The following SYCP2L variants were observed in gnomAD, a reference collection of about 807,000 sequenced individuals.
SYCP2L encodes the protein synaptonemal complex protein 2 like.
A neutral mutation model predicts 125.8 loss-of-function variants in SYCP2L; 98 were observed. The observed-to-expected ratio is 0.78, with a 90% CI of 0.66 to 0.92. The LOEUF is 0.92. Ranked by LOEUF, SYCP2L falls within the 40% of genes least tolerant of loss-of-function variation. The pLI is 0.00. For missense variants in SYCP2L, 842 were observed against 936.4 expected (o/e 0.90, Z 1.32); for synonymous variants, 317 against 325.4 (o/e 0.97, Z 0.28).
intron 4 of SYCP2L, among the ~76,000 whole-genome samples, chr6:10,895,633 G>A (rs527808053): frequency 6.6e-6 from 1 of 151,684 alleles, no homozygotes; most frequent in African/African-American, 2.4e-5. Context: ...GAACAAAAGG[G>A]GGGGGTACTA....
intron 4 of SYCP2L, among the ~76,000 whole-genome samples, chr6:10,895,630 A>AGG (rs35545017): frequency 1.6e-3 from 235 of 150,860 alleles, no homozygotes; most frequent in South Asian, 3.8e-3. Context: ...GGAGAACAAA[A>AGG]GGGGGGGGTA....
chr6:10,945,356 T>A (rs1002608480), intron 23 of SYCP2L, among the ~76,000 whole-genome samples: 1 of 152,252 alleles, frequency 6.6e-6, no homozygotes, highest in Non-Finnish European at 1.5e-5. Context: ...TTAATCAGTC[T>A]ACTTATTCTA....
intron 14 of SYCP2L, among the ~76,000 whole-genome samples, chr6:10,921,439 C>G (rs1780798958): frequency 6.6e-6 from 1 of 152,152 alleles, no homozygotes; most frequent in Admixed American, 6.5e-5. Flanking sequence ...TTCTCTAGGT[C>G]TTTGAGGAAT....
intron 29 of SYCP2L, among the ~76,000 whole-genome samples, chr6:10,973,299 G>A (rs1306794634): frequency 2.0e-5 from 3 of 152,190 alleles, no homozygotes; most frequent in Admixed American, 6.5e-5. Context: ...TTAGGAAGCC[G>A]AGGTGGGCGG....
chr6:10,921,994 C>T (rs530878529), intron 14 of SYCP2L, among the ~76,000 whole-genome samples: 1 of 152,282 alleles, frequency 6.6e-6, no homozygotes, highest in South Asian at 2.1e-4. Flanking sequence ...CGTGAGCCAA[C>T]ATGCCTGGCC....
At chr6:10,934,918 A>C in intron 20 of SYCP2L, 140 bp from the exon 21 acceptor site, 2 of 779,496 alleles carry the variant, frequency 2.6e-6, no homozygotes, top group Non-Finnish European at 3.9e-6. Flanking sequence ...AGAAATTCTT[A>C]GTAGAATTAG....
At chr6:10,965,434 G>A (rs1781663141) in intron 29 of SYCP2L, among the ~76,000 whole-genome samples, 1 of 152,144 alleles carries the variant, frequency 6.6e-6, no homozygotes, top group Admixed American at 6.6e-5. Context: ...GGTCAAACAG[G>A]AACTACAGTT....
Position 10,932,328 on chromosome 6 carries a change from CT to C in SYCP2L, c.1683+843del, listed in dbSNP as rs113172331. On this transcript the variant is annotated intron_variant, in intron 20 of 29. Coordinates refer to ENST00000283141, the MANE Select transcript of SYCP2L (RefSeq NM_001040274.3). ...AGTGTCTGCACCAATTCAAAGCCAA[CT>C]TTTGCCGTTTATTCACTGAATTACC... Among the ~76,000 whole-genome samples the C allele has an allele frequency of 5.5e-3, 837 of 152,278 alleles. 13 individuals are homozygous for C. Among genetic ancestry groups the C allele is most frequent in the African/African-American group, 0.019 (789 of 41,550 alleles).
chr6:10,909,827 A>G (rs1780573536), intron 10 of SYCP2L, among the ~76,000 whole-genome samples: 1 of 152,220 alleles, frequency 6.6e-6, no homozygotes, highest in South Asian at 2.1e-4. Flanking sequence ...CTAGGTCATC[A>G]GTAAGACGTA....
At position 10,898,980 on chromosome 6, in the gene SYCP2L, A is replaced by G. The variant is rs747384688; in HGVS notation, c.466+132A>G. 6.4e-4 allele frequency: 409 copies of G among 637,024 alleles called. 3 individuals are homozygous for G. Among genetic ancestry groups the G allele is most frequent in the Non-Finnish European group, 1.2e-4 (44 of 352,444 alleles). The allele number at this position is 637,024 out of a possible 1,614,324, so 39.5% of individuals were successfully genotyped here. A position where few individuals can be genotyped will look rare whatever the true frequency, so the allele number is the denominator to read the frequency against. On this transcript the variant is annotated intron_variant, in intron 6 of 29. Coordinates refer to ENST00000283141, the MANE Select transcript of SYCP2L (RefSeq NM_001040274.3). ...TTTATTTGGATTTATTGACCACCTT[A>G]TGGTCATCATAGTGTCATTTGGAAA...
intron 14 of SYCP2L, among the ~76,000 whole-genome samples, chr6:10,916,848 C>T (rs13193622): frequency 1.4e-4 from 21 of 152,174 alleles, no homozygotes; most frequent in East Asian, 7.7e-4. Context: ...AAAAATTAGC[C>T]GGGCATGGTG....
chr6:10,943,726 T>G (rs16870836), intron 23 of SYCP2L, among the ~76,000 whole-genome samples: 1 of 152,148 alleles, frequency 6.6e-6, no homozygotes. Context: ...AGTTACTTCT[T>G]TTTATAATTT....
chr6:10,969,076 G>A (rs1222177971), intron 29 of SYCP2L, among the ~76,000 whole-genome samples: 1 of 152,176 alleles, frequency 6.6e-6, no homozygotes, highest in East Asian at 1.9e-4. Context: ...CATTCTCACA[G>A]CATTTAATAA....
chr6:10,898,698 A>C, intron 5 of SYCP2L, 126 bp from the exon 6 acceptor site: 1 of 704,218 alleles, frequency 1.4e-6, no homozygotes, highest in East Asian at 2.6e-5. Flanking sequence ...GCTTTCTCTA[A>C]AATGCTTTTC....
chr6:10,934,407 G>A (rs1781055951), intron 20 of SYCP2L, among the ~76,000 whole-genome samples: 3 of 152,222 alleles, frequency 2.0e-5, no homozygotes, highest in Non-Finnish European at 2.9e-5. Context: ...GGCTGGGTGC[G>A]GTGGCACATG....
At chr6:10,923,190 TCTTTCCTGGA>T in intron 14 of SYCP2L, among the ~76,000 whole-genome samples, 1 of 152,232 alleles carries the variant, frequency 6.6e-6, no homozygotes, top group African/African-American at 2.4e-5. Flanking sequence ...CTTTGCCTGT[TCTTTCCTGGA>T]CTTTGCTGCC....
chr6:10,972,279 T>G (rs894606836), intron 29 of SYCP2L, among the ~76,000 whole-genome samples: 1 of 152,020 alleles, frequency 6.6e-6, no homozygotes, highest in Non-Finnish European at 1.5e-5. Context: ...CAAATCAAAA[T>G]AAGACTAAAA....
At chr6:10,955,416 C>G (rs1781486845) in intron 24 of SYCP2L, among the ~76,000 whole-genome samples, 199 bp downstream of exon 24, 1 of 152,178 alleles carries the variant, frequency 6.6e-6, no homozygotes, top group Admixed American at 6.5e-5. Flanking sequence ...CCATTATCCC[C>G]TAGCATTTTT....
At chr6:10,915,532 G>T (rs372336984) in intron 14 of SYCP2L, among the ~76,000 whole-genome samples, 1 of 152,132 alleles carries the variant, frequency 6.6e-6, no homozygotes, top group Non-Finnish European at 1.5e-5. Context: ...AATCATAAAG[G>T]GATGCTGGAT....
Sources: gnomAD v4.1 joint callset for allele counts (sites outside exome capture counted in the v4.1 genomes callset) on GRCh38, gnomAD v4.1.1 for gene constraint, MANE v1.5 for transcripts, NCBI Gene and HGNC (gene_info 2026-07-23, HGNC 2026-07-21) for gene names.